CYTH3: variants seen among roughly 807,000 people sequenced by gnomAD.
CYTH3 encodes the protein cytohesin 3.
CYTH3 carries 23 observed loss-of-function variants against 55.1 expected under a neutral mutation model. The ratio of observed to expected loss-of-function variants is 0.42; its 90% CI spans 0.30 to 0.59. CYTH3 has a LOEUF of 0.59. Ranked by LOEUF, CYTH3 falls within the 20% of genes least tolerant of loss-of-function variation. The probability of loss-of-function intolerance (pLI) is 0.20; values close to 1 mark genes in which losing one functional copy is unlikely to be tolerated. For synonymous variants in CYTH3, 249 were observed against 194.9 expected (o/e 1.28, Z -2.31); for missense variants, 413 against 524.8 (o/e 0.79, Z 2.08).
chr7:6,171,495 A>G lies in CYTH3; in HGVS notation c.450-181T>C, dbSNP rs1390068959. ...ACCCAGGACAGTCTCCTTCCGTTCC[A>G]TAACTCGAGACACGCTTACTGATGG... is the stretch of plus-strand genomic sequence containing the variant. On this transcript the variant is annotated intron_variant, in intron 6 of 12. Transcript: ENST00000350796. This position sits in a 1 kb window ranked among gnomAD's most constrained non-coding sequence, Gnocchi z 6.7. 6.6e-6 allele frequency among the ~76,000 whole-genome samples: 1 copy of G among 152,186 alleles called. No individual in the cohort carries two copies. Among genetic ancestry groups the G allele is most frequent in the South Asian group, 2.1e-4 (1 of 4,826 alleles).
At chr7:6,197,767 T>C (rs1185650552) in intron 1 of CYTH3, among the ~76,000 whole-genome samples, 2 of 152,210 alleles carry the variant, frequency 1.3e-5, no homozygotes, top group South Asian at 2.1e-4. Flanking sequence ...GTCTAAGAGT[T>C]TGAATTTTTC....
intron 1 of CYTH3, among the ~76,000 whole-genome samples, chr7:6,211,698 T>C (rs1214676598): frequency 6.6e-6 from 1 of 152,186 alleles, no homozygotes; most frequent in Non-Finnish European, 1.5e-5. Context: ...CCTGTTGTGC[T>C]ATCAAATATT....
At position 6,272,536 on chromosome 7, in the gene CYTH3, C is replaced by CG; in HGVS notation, c.-30dup. ...GAGGCCACTCCCGCAGCCGGCGAGC[C>CG]GGGGGCCGGCAGCAGAGGGGCCGCG... On this transcript the variant is annotated 5_prime_UTR_variant, in exon 1 of 13. Coordinates refer to ENST00000350796, the MANE Select transcript of CYTH3 (RefSeq NM_004227.4). 1.7e-6 allele frequency: 2 copies of CG among 1,209,696 alleles called. No homozygotes were observed. Among genetic ancestry groups the CG allele is most frequent in the Middle Eastern group, 3.4e-4 (1 of 2,922 alleles). 74.9% of individuals were successfully genotyped at this position (1,209,696 alleles called of 1,614,324 possible).
At position 6,164,028 on chromosome 7, in the gene CYTH3, A is replaced by G. The variant is rs1220768452; in HGVS notation, c.*916T>C. On this transcript the variant is annotated 3_prime_UTR_variant, in exon 13 of 13. Coordinates refer to ENST00000350796, the MANE Select transcript of CYTH3 (RefSeq NM_004227.4). ...CTGTTTCCTAGGAGTTAGCAGTTAC[A>G]GCCTAAACACCCCCAAACCATTAAC... 2 of 152,210 alleles carry G rather than the reference A, an allele frequency of 1.3e-5. No homozygotes were observed. The highest frequency in any genetic ancestry group is 2.9e-5 in the Non-Finnish European group (2 of 68,026). The allele number at this position is 152,210 out of a possible 1,614,324, so 9.4% of individuals were successfully genotyped here.
Position 6,170,022 on chromosome 7 carries a change from T to C in CYTH3, c.823+513A>G, listed in dbSNP as rs1159009883. ...ACAGCGGAGCTCACACAGACCAACGTGGGGAGAGCGAGAGGAATGAGCCGC... is the reference window on the plus strand; with the variant it reads ...ACAGCGGAGCTCACACAGACCAACGCGGGGAGAGCGAGAGGAATGAGCCGC... On this transcript the variant is annotated intron_variant, in intron 9 of 12. Coordinates refer to ENST00000350796, the MANE Select transcript of CYTH3 (RefSeq NM_004227.4). The surrounding 1 kb of genome is among the most constrained non-coding windows in gnomAD (Gnocchi z 7.8). 6.0e-6 allele frequency: 1 copy of C among 165,978 alleles called. No individual in the cohort carries two copies. Among genetic ancestry groups the C allele is most frequent in the Non-Finnish European group, 1.3e-5 (1 of 76,580 alleles). 10.3% of individuals were successfully genotyped at this position (165,978 alleles called of 1,614,324 possible). A position where few individuals can be genotyped will look rare whatever the true frequency, so the allele number is the denominator to read the frequency against.
intron 1 of CYTH3, among the ~76,000 whole-genome samples, chr7:6,258,912 GAAATAAT>G (rs1780204836): frequency 6.6e-6 from 1 of 152,156 alleles, no homozygotes; most frequent in African/African-American, 2.4e-5. Context: ...TCCAGAATGT[GAAATAAT>G]AAATGCAACC....
At chr7:6,208,893 G>A (rs906511713) in intron 1 of CYTH3, among the ~76,000 whole-genome samples, 5 of 152,146 alleles carry the variant, frequency 3.3e-5, no homozygotes, top group Admixed American at 2.6e-4. Flanking sequence ...AGAAACACTT[G>A]GAGGTAATTG....
chr7:6,168,793 G>A (rs1381858902), intron 9 of CYTH3, among the ~76,000 whole-genome samples: 4 of 152,196 alleles, frequency 2.6e-5, no homozygotes, highest in South Asian at 2.1e-4. Flanking sequence ...CTCTAGAGCC[G>A]ACCTTTCCCT....
intron 1 of CYTH3, among the ~76,000 whole-genome samples, chr7:6,223,638 G>A (rs550480362): frequency 2.6e-5 from 4 of 152,122 alleles, no homozygotes; most frequent in African/African-American, 9.6e-5. Context: ...AAGGCAGCAT[G>A]CTCGTTAAGA....
chr7:6,245,992 T>C (rs1424571534), intron 1 of CYTH3, among the ~76,000 whole-genome samples: 2 of 152,102 alleles, frequency 1.3e-5, no homozygotes, highest in Non-Finnish European at 2.9e-5. Flanking sequence ...TATCTCCCAT[T>C]AACCCTCTCC....
In CYTH3 at chr7:6,272,381, G is replaced by C. The variant is rs1016479155; in HGVS notation, c.34+93C>G. On this transcript the variant is annotated intron_variant, in intron 1 of 12. Transcript: ENST00000350796. ...CGCTGCCCCCGACCCCGTCTCCTCC[G>C]GCGAACCCCGGCCCAGCGCCGCGCC... The C allele has an allele frequency of 3.5e-6, 4 of 1,152,690 alleles. No individual in the cohort carries two copies. In the African/African-American group the frequency reaches 5.0e-5, roughly 15 times the overall value. 71.4% of individuals were successfully genotyped at this position (1,152,690 alleles called of 1,614,324 possible). A position where few individuals can be genotyped will look rare whatever the true frequency, so the allele number is the denominator to read the frequency against.
intron 1 of CYTH3, among the ~76,000 whole-genome samples, chr7:6,232,716 G>T (rs918185501): frequency 6.6e-6 from 1 of 152,072 alleles, no homozygotes; most frequent in African/African-American, 2.4e-5. Flanking sequence ...TGCGGCTGTG[G>T]TTCTGACTGT....
At chr7:6,177,729 A>T in intron 5 of CYTH3, 94 bp downstream of exon 5, 1 of 974,984 alleles carries the variant, frequency 1.0e-6, no homozygotes, top group Non-Finnish European at 1.6e-6. Context: ...TCATGCCTTT[A>T]GGCTGTGATG....
At chr7:6,181,265 C>G (rs1261803345) in intron 4 of CYTH3, among the ~76,000 whole-genome samples, 1 of 152,176 alleles carries the variant, frequency 6.6e-6, no homozygotes, top group East Asian at 1.9e-4. Flanking sequence ...GCATGCCTTT[C>G]CTTTTTTATC....
intron 1 of CYTH3, among the ~76,000 whole-genome samples, chr7:6,221,741 G>A (rs1258672073): frequency 1.3e-5 from 2 of 152,136 alleles, no homozygotes; most frequent in Non-Finnish European, 2.9e-5. Flanking sequence ...GCTCACGCCT[G>A]TAACCTCAAT....
intron 1 of CYTH3, among the ~76,000 whole-genome samples, chr7:6,261,689 CAA>C (rs71549614): frequency 2.4e-3 from 116 of 47,494 alleles, no homozygotes; most frequent in Admixed American, 0.02. Flanking sequence ...GACCCTGTCT[CAA>C]AAAAAAAAAA....
intron 1 of CYTH3, among the ~76,000 whole-genome samples, chr7:6,222,049 C>T (rs968268971): frequency 2.0e-5 from 3 of 152,206 alleles, no homozygotes; most frequent in Non-Finnish European, 4.4e-5. Flanking sequence ...GACAGAAGGA[C>T]TTACACATCT....
intron 1 of CYTH3, among the ~76,000 whole-genome samples, chr7:6,199,381 G>A (rs1282862946): frequency 2.0e-5 from 3 of 152,140 alleles, no homozygotes; most frequent in Middle Eastern, 3.2e-3. Context: ...CAGGCACAGT[G>A]GTTATGTGCC....
Position 6,164,893 on chromosome 7 carries a change from T to G in CYTH3, c.*51A>C, listed in dbSNP as rs577783595. ...CCTTCCGCGGAGGGGCCGCCCGCGG[T>G]GTCTTTCTGCTGGGGTTGGGTCTTT... On this transcript the variant is annotated 3_prime_UTR_variant, in exon 13 of 13. Transcript: ENST00000350796. 4 of 1,607,254 alleles carry G rather than the reference T, an allele frequency of 2.5e-6. No homozygotes were observed. Among genetic ancestry groups the G allele is most frequent in the Non-Finnish European group, 3.4e-6 (4 of 1,174,034 alleles).
Sources: allele counts gnomAD v4.1 joint callset (sites outside exome capture counted in the v4.1 genomes callset), GRCh38; gene constraint gnomAD v4.1.1; non-coding constraint Gnocchi (gnomAD v3.1); transcripts MANE v1.5; gene names NCBI Gene and HGNC (gene_info 2026-07-23, HGNC 2026-07-21).